The following TRAPPC9 variants were observed in gnomAD, a reference collection of about 807,000 sequenced individuals.
TRAPPC9 encodes the protein trafficking protein particle complex subunit 9.
A neutral mutation model predicts 124.0 loss-of-function variants in TRAPPC9; 83 were observed. That is an observed-to-expected ratio of 0.67 (90% confidence interval 0.56 to 0.80). TRAPPC9 has a LOEUF of 0.80. Among genes scored for constraint, TRAPPC9 ranks in the 30% least tolerant of loss-of-function variants. The pLI is 0.00. For missense variants in TRAPPC9, 1,302 were observed against 1,508.3 expected (o/e 0.86, Z 2.27); for synonymous variants, 638 against 617.5 (o/e 1.03, Z -0.49).
intron 15 of TRAPPC9, among the ~76,000 whole-genome samples, chr8:140,272,130 C>CGATGATGATGATGATGGTGGT (rs2064930084): frequency 1.0e-5 from 1 of 100,382 alleles, no homozygotes; most frequent in African/African-American, 3.4e-5. Flanking sequence ...GTGATGGTGG[C>CGATGATGATGATGATGGTGGT]GATGGTGATG....
At chr8:140,345,923 G>A (rs894686447) in intron 9 of TRAPPC9, among the ~76,000 whole-genome samples, 1 of 152,196 alleles carries the variant, frequency 6.6e-6, no homozygotes, top group Non-Finnish European at 1.5e-5. Flanking sequence ...ACAGAGATGT[G>A]GCCACCGTGG....
At chr8:140,045,444 G>A (rs1028061808) in intron 17 of TRAPPC9, among the ~76,000 whole-genome samples, 8 of 151,888 alleles carry the variant, frequency 5.3e-5, no homozygotes, top group Middle Eastern at 3.2e-3. Context: ...TGGCCAACAT[G>A]GTGTAAACCC....
At chr8:139,953,350 A>G (rs979481580) in intron 19 of TRAPPC9, among the ~76,000 whole-genome samples, 4 of 152,174 alleles carry the variant, frequency 2.6e-5, no homozygotes, top group Non-Finnish European at 5.9e-5. Context: ...AAAATCAGCC[A>G]GGCATGGGGG....
intron 21 of TRAPPC9, among the ~76,000 whole-genome samples, chr8:139,841,726 G>A (rs1826743544): frequency 6.6e-6 from 1 of 152,202 alleles, no homozygotes; most frequent in Admixed American, 6.5e-5. Flanking sequence ...CCGATGGGAG[G>A]CACCCCCATG....
intron 17 of TRAPPC9, among the ~76,000 whole-genome samples, chr8:140,156,954 GCCTCCCTTTTCCATTCAA>G (rs1563803904): frequency 1.3e-4 from 18 of 141,632 alleles, no homozygotes; most frequent in East Asian, 4.2e-4. Context: ...CCATTCAAAA[GCCTCCCTTTTCCATTCAA>G]AAGCCTCCCT....
chr8:140,242,906 A>G (rs1229711247), intron 16 of TRAPPC9, among the ~76,000 whole-genome samples: 2 of 152,210 alleles, frequency 1.3e-5, no homozygotes, highest in African/African-American at 4.8e-5. Context: ...GGAGGTTAAA[A>G]GCCTGATTTC....
At chr8:139,801,624 G>A (rs922196808) in intron 21 of TRAPPC9, among the ~76,000 whole-genome samples, 6 of 152,214 alleles carry the variant, frequency 3.9e-5, no homozygotes, top group African/African-American at 1.2e-4. Flanking sequence ...GGTGGGGTAC[G>A]GTTATCAACC....
At chr8:140,312,609 G>A (rs935004884) in intron 9 of TRAPPC9, among the ~76,000 whole-genome samples, 9 of 152,304 alleles carry the variant, frequency 5.9e-5, no homozygotes, top group Admixed American at 5.2e-4. Context: ...GTAAGTAGCT[G>A]TAAAGTGAAG....
intron 21 of TRAPPC9, among the ~76,000 whole-genome samples, chr8:139,863,642 C>T (rs913334716): frequency 1.3e-5 from 2 of 152,234 alleles, no homozygotes; most frequent in Non-Finnish European, 2.9e-5. Context: ...GCTCAGCAGG[C>T]GTTCCCTGAA....
At chr8:139,958,897 C>A in intron 19 of TRAPPC9, among the ~76,000 whole-genome samples, 1 of 150,722 alleles carries the variant, frequency 6.6e-6, no homozygotes, top group East Asian at 1.9e-4. Context: ...CATTCCGAGT[C>A]ACACAGGGGA....
In TRAPPC9 at chr8:139,986,015, C is replaced by A. The variant is rs536891055; in HGVS notation, c.2810+2711G>T. Among the ~76,000 whole-genome samples, 10 of 152,272 alleles carry A rather than the reference C, an allele frequency of 6.6e-5. No individual in the cohort carries two copies. In the East Asian group the frequency reaches 1.2e-3, roughly 18 times the overall value. On this transcript the variant is annotated intron_variant, in intron 19 of 22. Coordinates refer to ENST00000438773, the MANE Select transcript of TRAPPC9 (RefSeq NM_001160372.4). ...ATTCCAGCACTTTGGGAGGCCGAGG[C>A]GGGCGGATCACAAGGTCAGGAGTCC...
At chr8:140,043,670 C>G (rs1256366552) in intron 17 of TRAPPC9, among the ~76,000 whole-genome samples, 1 of 152,178 alleles carries the variant, frequency 6.6e-6, no homozygotes, top group East Asian at 1.9e-4. Flanking sequence ...GATCGCTGGG[C>G]CAACACCAGT....
chr8:140,118,366 A>G (rs2060927510), intron 17 of TRAPPC9, among the ~76,000 whole-genome samples: 1 of 152,262 alleles, frequency 6.6e-6, no homozygotes, highest in African/African-American at 2.4e-5. Context: ...ATGAACGTCT[A>G]CCATTTCAAC....
intron 17 of TRAPPC9, among the ~76,000 whole-genome samples, chr8:140,059,134 A>G (rs1416269134): frequency 6.6e-6 from 1 of 152,128 alleles, no homozygotes; most frequent in Non-Finnish European, 1.5e-5. Context: ...ACCAATCCAA[A>G]GCCCTCTCAC....
intron 9 of TRAPPC9, among the ~76,000 whole-genome samples, chr8:140,326,599 G>C (rs980700486): frequency 6.6e-6 from 1 of 152,300 alleles, no homozygotes; most frequent in African/African-American, 2.4e-5. Context: ...ATTATGGCCA[G>C]GTGTGATGGC....
chr8:140,444,843 A>T (rs1341551853), intron 2 of TRAPPC9, among the ~76,000 whole-genome samples: 1 of 150,008 alleles, frequency 6.7e-6, no homozygotes, highest in African/African-American at 2.5e-5. Flanking sequence ...AGCACGGGCA[A>T]CAAGAGTGAA....
At chr8:140,150,956 G>A (rs1455195255) in intron 17 of TRAPPC9, among the ~76,000 whole-genome samples, 1 of 152,322 alleles carries the variant, frequency 6.6e-6, no homozygotes, top group African/African-American at 2.4e-5. Flanking sequence ...AGACAGCAGA[G>A]CTGAAATTAT....
chr8:140,350,289 T>G (rs2067518639), intron 9 of TRAPPC9, among the ~76,000 whole-genome samples: 1 of 152,018 alleles, frequency 6.6e-6, no homozygotes, highest in South Asian at 2.1e-4. Context: ...CCACCCTCCA[T>G]CAAGGTGACT....
intron 19 of TRAPPC9, among the ~76,000 whole-genome samples, chr8:139,950,705 A>C (rs1273823474): frequency 6.6e-6 from 1 of 152,218 alleles, no homozygotes; most frequent in African/African-American, 2.4e-5. Flanking sequence ...CCAAATCACC[A>C]TGGGTTTCTT....
Sources: gnomAD v4.1 joint callset for allele counts (sites outside exome capture counted in the v4.1 genomes callset) on GRCh38, gnomAD v4.1.1 for gene constraint, MANE v1.5 for transcripts, NCBI Gene and HGNC (gene_info 2026-07-23, HGNC 2026-07-21) for gene names.